TRIM37: variants seen among roughly 807,000 people sequenced by gnomAD.
TRIM37 encodes the protein tripartite motif containing 37, also known as E3 ubiquitin-protein ligase TRIM37.
A neutral mutation model predicts 129.8 loss-of-function variants in TRIM37; 80 were observed. The ratio of observed to expected loss-of-function variants is 0.62; its 90% CI spans 0.51 to 0.74. The LOEUF (loss-of-function observed/expected upper bound fraction) is 0.74, where lower values mean the gene tolerates loss of function less well. TRIM37 is among the 30% of genes least tolerant of loss of function. TRIM37 has a pLI of 0.00. For synonymous variants in TRIM37, 389 were observed against 387.1 expected, an observed-to-expected ratio of 1.00 and a Z score of -0.06; for missense variants, 1,054 against 1,176.5, an observed-to-expected ratio of 0.90 and a Z score of 1.52.
At chr17:59,051,161 A>G in intron 14 of TRIM37, 53 bp downstream of exon 14, 1 of 1,143,350 alleles carries the variant, frequency 8.7e-7, no homozygotes, top group Non-Finnish European at 1.3e-6. Context: ...TACAAATATA[A>G]CAAGCCAAAA....
At chr17:59,056,761 T>C (rs1032034059) in intron 13 of TRIM37, 114 bp downstream of exon 13, 3 of 474,772 alleles carry the variant, frequency 6.3e-6, no homozygotes, top group African/African-American at 4.3e-5. Flanking sequence ...GATAAGGTTA[T>C]AGTTAGTATG....
intron 7 of TRIM37, among the ~76,000 whole-genome samples, chr17:59,076,961 T>C (rs1019848073): frequency 5.3e-5 from 8 of 152,132 alleles, no homozygotes; most frequent in African/African-American, 1.7e-4. Context: ...GTTAATTTTG[T>C]ATTTTTAGTA....
At chr17:59,060,642 T>TA (rs1285571742) in intron 12 of TRIM37, among the ~76,000 whole-genome samples, 1 of 152,222 alleles carries the variant, frequency 6.6e-6, no homozygotes, top group African/African-American at 2.4e-5. Flanking sequence ...AAGTGACTGC[T>TA]AAGGAGTACA....
chr17:59,104,519 T>C (rs573002369), intron 1 of TRIM37, 125 bp from the exon 2 acceptor site: 1 of 884,208 alleles, frequency 1.1e-6, no homozygotes, highest in African/African-American at 1.6e-5. Flanking sequence ...AACTATTCCA[T>C]ATCAGGATTT....
In TRIM37 at chr17:59,051,283, C is replaced by T. The variant is rs2040318488; in HGVS notation, c.1245G>A (p.Gln415=). 4 of 1,613,826 alleles carry T rather than the reference C, an allele frequency of 2.5e-6. No homozygotes were observed. Among genetic ancestry groups the T allele is most frequent in the Non-Finnish European group, 3.4e-6 (4 of 1,179,948 alleles). ...SPTFFQKSRD[Q]HWYITQLEAA... ...CTTCCAACTGAGTAATGTACCAATG[C>T]TGGTCCCGGGATTTTTGAAAGAAAG... Residue 415 remains glutamine, a synonymous_variant, in exon 14 of 24, where the codon CAG becomes CAA. Coordinates refer to ENST00000262294, the MANE Select transcript of TRIM37 (RefSeq NM_015294.6).
At chr17:58,971,570 A>G in the TRIM37 span, among the ~76,000 whole-genome samples, 1 of 152,198 alleles carries the variant, frequency 6.6e-6, no homozygotes, top group Non-Finnish European at 1.5e-5. Context: ...TTTTAAAGGT[A>G]TAAGCATCTT....
chr17:59,031,409 C>T (rs1212881833), intron 18 of TRIM37, among the ~76,000 whole-genome samples: 1 of 152,152 alleles, frequency 6.6e-6, no homozygotes, highest in Non-Finnish European at 1.5e-5. Flanking sequence ...TACAAATCTC[C>T]ATTTTATTAT....
chr17:58,983,098 T>TG (rs1427918816), intron 24 of TRIM37: 5 of 575,260 alleles, frequency 8.7e-6, no homozygotes, highest in African/African-American at 7.6e-5. Flanking sequence ...GCTTTCTCAG[T>TG]GGGGAAAAAA....
Position 58,999,259 on chromosome 17 carries a change from C to G in TRIM37, c.*118G>C. On this transcript the variant is annotated 3_prime_UTR_variant, in exon 24 of 24. Transcript: ENST00000262294. ...CAGTTTCCAAATTACTATTTCAGGT[C>G]GAGATAATGAAGAAATAAGACCAAA... is the stretch of plus-strand genomic sequence containing the variant. The G allele has an allele frequency of 6.3e-7, 1 of 1,599,396 alleles. No homozygotes were observed. Among genetic ancestry groups the G allele is most frequent in the Non-Finnish European group, 8.5e-7 (1 of 1,173,774 alleles).
chr17:58,988,179 CA>C (rs1214446598), intron 24 of TRIM37, among the ~76,000 whole-genome samples: 1 of 152,164 alleles, frequency 6.6e-6, no homozygotes, highest in Non-Finnish European at 1.5e-5. Flanking sequence ...ATATGGGCTG[CA>C]GGAGTGTTAA....
At chr17:59,006,453 C>T (rs2034491983) in intron 22 of TRIM37, among the ~76,000 whole-genome samples, 1 of 152,202 alleles carries the variant, frequency 6.6e-6, no homozygotes, top group Non-Finnish European at 1.5e-5. Context: ...ACATTAACCA[C>T]CTGGTACAGA....
At chr17:58,994,021 A>C (rs1286303362), downstream of TRIM37, among the ~76,000 whole-genome samples, 3 of 152,238 alleles carry the variant, frequency 2.0e-5, no homozygotes, top group African/African-American at 7.2e-5. Flanking sequence ...TTTGTAGGGC[A>C]TAGCCTGGAA....
At chr17:59,051,082 A>T in intron 14 of TRIM37, 132 bp downstream of exon 14, 1 of 668,656 alleles carries the variant, frequency 1.5e-6, no homozygotes, top group Non-Finnish European at 2.6e-6. Context: ...GGGGAACAAG[A>T]TAACTAGATT....
At chr17:59,046,015 C>CA (rs113392573) in intron 16 of TRIM37, among the ~76,000 whole-genome samples, 90 of 139,002 alleles carry the variant, frequency 6.5e-4, no homozygotes, top group African/African-American at 1.4e-3. Flanking sequence ...GACTCCATCT[C>CA]AAAAAAAAAA....
chr17:58,977,496 A>G, the TRIM37 span, among the ~76,000 whole-genome samples: 1 of 152,016 alleles, frequency 6.6e-6, no homozygotes, highest in East Asian at 1.9e-4. Flanking sequence ...CCTAGATATG[A>G]GTAAGATGAG....
intron 9 of TRIM37, among the ~76,000 whole-genome samples, chr17:59,065,655 GAT>G (rs1202592620): frequency 6.6e-6 from 1 of 152,040 alleles, no homozygotes; most frequent in African/African-American, 2.4e-5. Flanking sequence ...TTATAAATTT[GAT>G]ATATAAAATT....
chr17:58,999,229 T>C lies in TRIM37; in HGVS notation c.*148A>G, dbSNP rs1325921195. On this transcript the variant is annotated 3_prime_UTR_variant, in exon 24 of 24. Coordinates refer to ENST00000262294, the MANE Select transcript of TRIM37 (RefSeq NM_015294.6). ...TGTCTTAGACTAAACTGTGCCACCT[T>C]CCAACAGTTTCCAAATTACTATTTC... 23 of 1,556,768 alleles carry C rather than the reference T, an allele frequency of 1.5e-5. No individual in the cohort carries two copies. The highest frequency in any genetic ancestry group is 1.8e-5 in the Non-Finnish European group (21 of 1,153,346).
chr17:59,025,012 A>G (rs1258856052), intron 19 of TRIM37, among the ~76,000 whole-genome samples: 1 of 152,240 alleles, frequency 6.6e-6, no homozygotes. Flanking sequence ...GACATGACAA[A>G]TACTGGGTTA....
At chr17:59,026,688 T>TA (rs745883568) in intron 19 of TRIM37, among the ~76,000 whole-genome samples, 7 of 152,304 alleles carry the variant, frequency 4.6e-5, no homozygotes, top group Middle Eastern at 3.4e-3. Flanking sequence ...CTCCAGCTTC[T>TA]ACCCACTTCA....
Sources: gnomAD v4.1 joint callset for allele counts (sites outside exome capture counted in the v4.1 genomes callset) on GRCh38, gnomAD v4.1.1 for gene constraint, MANE v1.5 for transcripts, NCBI Gene and HGNC (gene_info 2026-07-23, HGNC 2026-07-21) for gene names.